Variants in NANP observed in about 807,000 individuals in gnomAD.
NANP encodes N-acylneuraminate-9-phosphatase.
A neutral mutation model predicts 16.9 loss-of-function variants in NANP; 15 were observed. That is an observed-to-expected ratio of 0.89 (90% confidence interval 0.59 to 1.37). NANP has a LOEUF of 1.37. Ranked by LOEUF, NANP falls within the 40% of genes most tolerant of loss-of-function variation. NANP has a pLI of 0.00. For missense variants in NANP, 290 were observed against 303.5 expected (o/e 0.96, Z 0.33); for synonymous variants, 135 against 112.6 (o/e 1.20, Z -1.26).
Position 25,613,116 on chromosome 20 carries a change from A to G in NANP, c.*2809T>C, listed in dbSNP as rs2065328417. The G allele has an allele frequency of 1.3e-5, 2 of 151,752 alleles. No homozygotes were observed. The highest frequency in any genetic ancestry group is 1.3e-4 in the Admixed American group (2 of 15,204). The allele number at this position is 151,752 out of a possible 1,614,324, so 9.4% of individuals were successfully genotyped here. A position where few individuals can be genotyped will look rare whatever the true frequency, so the allele number is the denominator to read the frequency against. On this transcript the variant is annotated 3_prime_UTR_variant, in exon 2 of 2. Transcript: ENST00000304788. ...CCCATACACATATTAATGTTATACTATAAAATGTTATATTTATATTTATTT... is the reference window on the plus strand; with the variant it reads ...CCCATACACATATTAATGTTATACTGTAAAATGTTATATTTATATTTATTT...
chr20:25,613,928 C>T lies in NANP; in HGVS notation c.*1997G>A, dbSNP rs2122199603. On this transcript the variant is annotated 3_prime_UTR_variant, in exon 2 of 2. Transcript: ENST00000304788. ...AGGACAAGCCCCCTGCAGCACACGCCAACCAATCTATCAGAGCAATCATGC... is the reference window on the plus strand; with the variant it reads ...AGGACAAGCCCCCTGCAGCACACGCTAACCAATCTATCAGAGCAATCATGC... The T allele has an allele frequency of 2.5e-6, 1 of 398,212 alleles. No homozygotes were observed. The highest frequency in any genetic ancestry group is 4.4e-6 in the Non-Finnish European group (1 of 225,914). 24.7% of individuals were successfully genotyped at this position (398,212 alleles called of 1,614,324 possible).
At position 25,616,117 on chromosome 20, in the gene NANP, C is replaced by G. The variant is rs2065342263; in HGVS notation, c.555G>C (p.Val185=). 3.7e-6 allele frequency: 6 copies of G among 1,614,048 alleles called. No individual in the cohort carries two copies. Among genetic ancestry groups the G allele is most frequent in the Admixed American group, 3.3e-5 (2 of 60,004 alleles). ...CGGTTTCTAATGTGTCACCGACCAT[C>G]ACACAGTCCCCAGGTTGTACTCCGA... ...NLLGVQPGDC[V]MVGDTLETDI... is the part of the protein sequence containing the mutation. The change falls in exon 2 of 2, where the codon GTG becomes GTC. Residue 185 remains valine (V), a synonymous_variant. Coordinates refer to ENST00000304788, the MANE Select transcript of NANP (RefSeq NM_152667.3).
At chr20:25,618,645 G>A (rs773125348) in intron 1 of NANP, among the ~76,000 whole-genome samples, 2 of 151,998 alleles carry the variant, frequency 1.3e-5, no homozygotes, top group African/African-American at 2.4e-5. Context: ...CACAGGATGG[G>A]GCTAAAAAGT....
chr20:25,612,941 C>A lies in NANP; in HGVS notation c.*2984G>T, dbSNP rs952784893. 6.0e-4 allele frequency: 91 copies of A among 152,178 alleles called. No individual in the cohort carries two copies. The highest frequency in any genetic ancestry group is 1.6e-4 in the Non-Finnish European group (11 of 68,034). 9.4% of individuals were successfully genotyped at this position (152,178 alleles called of 1,614,324 possible). A position where few individuals can be genotyped will look rare whatever the true frequency, so the allele number is the denominator to read the frequency against. On this transcript the variant is annotated 3_prime_UTR_variant, in exon 2 of 2. Transcript: ENST00000304788. ...AAGAGATGAGGAGAATGACTTTTCACCATTCACCCTTTTATTTTTTTGACT... is the reference window on the plus strand; with the variant it reads ...AAGAGATGAGGAGAATGACTTTTCAACATTCACCCTTTTATTTTTTTGACT...
chr20:25,619,507 A>C (rs1030089578), intron 1 of NANP, among the ~76,000 whole-genome samples: 3 of 152,238 alleles, frequency 2.0e-5, no homozygotes, highest in African/African-American at 7.2e-5. Flanking sequence ...AATTAAAGAA[A>C]AAAGAAAAGA....
chr20:25,623,777 G>A, intron 1 of NANP, 82 bp downstream of exon 1: 8 of 1,311,926 alleles, frequency 6.1e-6, no homozygotes, highest in Non-Finnish European at 8.5e-6. Context: ...GGGTGGAAGT[G>A]GGGTCAAGGG....
At chr20:25,616,803 C>CCAATATATA (rs2065345682) in intron 1 of NANP, among the ~76,000 whole-genome samples, 2 of 152,060 alleles carry the variant, frequency 1.3e-5, no homozygotes, top group African/African-American at 4.8e-5. Context: ...TTAAAGCCAA[C>CCAATATATA]TTCTTCATAT....
intron 1 of NANP, among the ~76,000 whole-genome samples, chr20:25,620,617 A>G (rs2065360758): frequency 6.6e-6 from 1 of 152,214 alleles, no homozygotes; most frequent in South Asian, 2.1e-4. Context: ...TTGGATATGA[A>G]GCGTATAGCA....
chr20:25,619,026 G>A (rs907985401), intron 1 of NANP, among the ~76,000 whole-genome samples: 1 of 151,934 alleles, frequency 6.6e-6, no homozygotes, highest in African/African-American at 2.4e-5. Flanking sequence ...TAAACAGTAT[G>A]CCACTCACAC....
In NANP at chr20:25,613,656, C is replaced by A. The variant is rs1372856708; in HGVS notation, c.*2269G>T. On this transcript the variant is annotated 3_prime_UTR_variant, in exon 2 of 2. Coordinates refer to ENST00000304788, the MANE Select transcript of NANP (RefSeq NM_152667.3). ...TCAGAAGGTAGATAACCACAAAGTTCTTCCCTAAGGAAGGGTGCAAATGGA... is the reference window on the plus strand; with the variant it reads ...TCAGAAGGTAGATAACCACAAAGTTATTCCCTAAGGAAGGGTGCAAATGGA... The A allele has an allele frequency of 2.5e-6, 1 of 396,812 alleles. No individual in the cohort carries two copies. Among genetic ancestry groups the A allele is most frequent in the African/African-American group, 2.1e-5 (1 of 48,606 alleles). 24.6% of individuals were successfully genotyped at this position (396,812 alleles called of 1,614,324 possible).
At position 25,615,889 on chromosome 20, in the gene NANP, G is replaced by A. The variant is rs748641584; in HGVS notation, c.*36C>T. On this transcript the variant is annotated 3_prime_UTR_variant, in exon 2 of 2. Coordinates refer to ENST00000304788, the MANE Select transcript of NANP (RefSeq NM_152667.3). ...TTTCTTATTTCATACTCAGCAAATT[G>A]ATTCTAACATTCATAATCATGCCCT... 1 of 1,545,918 alleles carries A rather than the reference G, an allele frequency of 6.5e-7. No individual in the cohort carries two copies. The highest frequency in any genetic ancestry group is 8.7e-7 in the Non-Finnish European group (1 of 1,145,770).
At chr20:25,623,784 A>C in intron 1 of NANP, 75 bp downstream of exon 1, 1 of 1,377,886 alleles carries the variant, frequency 7.3e-7, no homozygotes, top group Non-Finnish European at 1.0e-6. Context: ...AGTGGGGTCA[A>C]GGGGAGGTGA....
chr20:25,623,591 C>T (rs1263246919), intron 1 of NANP, among the ~76,000 whole-genome samples: 1 of 152,192 alleles, frequency 6.6e-6, no homozygotes, highest in African/African-American at 2.4e-5. Flanking sequence ...CGTCACGGAG[C>T]CCTTCCGCGT....
chr20:25,617,962 A>G (rs1207815084), intron 1 of NANP, among the ~76,000 whole-genome samples: 1 of 152,156 alleles, frequency 6.6e-6, no homozygotes, highest in African/African-American at 2.4e-5. Flanking sequence ...ACATACTTAC[A>G]TACATTATTT....
intron 1 of NANP, 38 bp downstream of exon 1, chr20:25,623,821 G>T: frequency 6.4e-7 from 1 of 1,574,766 alleles, no homozygotes; most frequent in Non-Finnish European, 8.7e-7. Context: ...GGGGCGCACT[G>T]ACCCCGCCCA....
intron 1 of NANP, 92 bp downstream of exon 1, chr20:25,623,767 G>C (rs1226729283): frequency 1.6e-6 from 2 of 1,240,444 alleles, no homozygotes; most frequent in African/African-American, 1.5e-5. Flanking sequence ...CGCGGCGCCG[G>C]GGTGGAAGTG....
At chr20:25,617,688 T>C (rs947678689) in intron 1 of NANP, among the ~76,000 whole-genome samples, 2 of 152,074 alleles carry the variant, frequency 1.3e-5, no homozygotes, top group Non-Finnish European at 2.9e-5. Flanking sequence ...GGCTAATTTT[T>C]GTATTTTTAG....
chr20:25,618,561 A>G (rs1240258961), intron 1 of NANP, among the ~76,000 whole-genome samples: 2 of 152,028 alleles, frequency 1.3e-5, no homozygotes, highest in African/African-American at 4.8e-5. Flanking sequence ...TTCACTCGCC[A>G]GTGGCTTCCC....
At chr20:25,620,905 G>A (rs1445149709) in intron 1 of NANP, among the ~76,000 whole-genome samples, 1 of 151,844 alleles carries the variant, frequency 6.6e-6, no homozygotes, top group African/African-American at 2.4e-5. Context: ...TATATAAACT[G>A]CATTCTTTTT....
Sources: allele counts gnomAD v4.1 joint callset (sites outside exome capture counted in the v4.1 genomes callset), GRCh38; gene constraint gnomAD v4.1.1; transcripts MANE v1.5; gene names NCBI Gene and HGNC (gene_info 2026-07-23, HGNC 2026-07-21).